Variants in GALNT13 observed in about 807,000 individuals in gnomAD.
GALNT13 encodes polypeptide N-acetylgalactosaminyltransferase 13.
A neutral mutation model predicts 64.2 loss-of-function variants in GALNT13; 28 were observed. The ratio of observed to expected loss-of-function variants is 0.44; its 90% confidence interval spans 0.32 to 0.60. The LOEUF (loss-of-function observed/expected upper bound fraction) is 0.60, where lower values mean the gene tolerates loss of function less well. Ranked by LOEUF, GALNT13 falls within the 20% of genes least tolerant of loss-of-function variation. The pLI is 0.05. For missense variants in GALNT13, 577 were observed against 669.8 expected (o/e 0.86, Z 1.53); for synonymous variants, 214 against 224.6 (o/e 0.95, Z 0.42).
the GALNT13 span, among the ~76,000 whole-genome samples, chr2:153,457,080 T>C: frequency 6.6e-6 from 1 of 152,328 alleles, no homozygotes; most frequent in Non-Finnish European, 1.5e-5. Flanking sequence ...GCTGACTTTC[T>C]TGAGTCCTTT....
intron 8 of GALNT13, among the ~76,000 whole-genome samples, chr2:154,283,597 A>T (rs1417916337): frequency 6.6e-6 from 1 of 151,232 alleles, no homozygotes; most frequent in African/African-American, 2.4e-5. Context: ...AAAAAAAATT[A>T]TACTTCAGTT....
At chr2:154,330,052 G>GT (rs1368779099) in intron 9 of GALNT13, among the ~76,000 whole-genome samples, 20 of 152,030 alleles carry the variant, frequency 1.3e-4, no homozygotes, top group Admixed American at 1.2e-3. Context: ...TTAGTTCCCA[G>GT]TAGAAGTACT....
chr2:153,404,564 TCTG>T, the GALNT13 span, among the ~76,000 whole-genome samples: 99 of 152,294 alleles, frequency 6.5e-4, 1 homozygote, highest in East Asian at 7.0e-3. Flanking sequence ...TTCCCAATTT[TCTG>T]CTATTATTAA....
chr2:153,369,858 A>T, the GALNT13 span, among the ~76,000 whole-genome samples: 12 of 152,136 alleles, frequency 7.9e-5, no homozygotes, highest in Non-Finnish European at 1.5e-5. Flanking sequence ...AGTTGAGTAC[A>T]GGTGAAGCCA....
chr2:154,197,981 A>T (rs1332359590), intron 4 of GALNT13, among the ~76,000 whole-genome samples: 1 of 152,094 alleles, frequency 6.6e-6, no homozygotes, highest in East Asian at 1.9e-4. Flanking sequence ...TATTCATCAG[A>T]TTCACACAAA....
chr2:153,979,474 T>C (rs764945168), intron 3 of GALNT13, among the ~76,000 whole-genome samples: 2 of 152,198 alleles, frequency 1.3e-5, no homozygotes, highest in Admixed American at 6.6e-5. Flanking sequence ...TCTGAGATTA[T>C]GGTCTTTGAG....
the GALNT13 span, among the ~76,000 whole-genome samples, chr2:153,627,098 ATGTAATACCTG>A: frequency 6.6e-6 from 1 of 152,064 alleles, no homozygotes; most frequent in Admixed American, 6.6e-5. Flanking sequence ...TTGTGTGGGA[ATGTAATACCTG>A]AAGGTGCTTG....
chr2:154,245,489 G>A (rs1467245237), intron 6 of GALNT13, among the ~76,000 whole-genome samples: 1 of 152,100 alleles, frequency 6.6e-6, no homozygotes, highest in Non-Finnish European at 1.5e-5. Flanking sequence ...CTAAAATGAT[G>A]CATAATCTCA....
chr2:153,375,358 G>A, the GALNT13 span, among the ~76,000 whole-genome samples: 68 of 152,040 alleles, frequency 4.5e-4, no homozygotes, highest in African/African-American at 1.5e-3. Context: ...ATTCACTTAC[G>A]GATAAATGGC....
the GALNT13 span, among the ~76,000 whole-genome samples, chr2:153,259,631 A>T: frequency 2.6e-5 from 4 of 152,074 alleles, no homozygotes; most frequent in Non-Finnish European, 4.4e-5. Flanking sequence ...TGGTTTTATA[A>T]AATGCAGTTC....
intron 3 of GALNT13, among the ~76,000 whole-genome samples, chr2:154,027,367 A>T (rs945173854): frequency 5.3e-5 from 8 of 152,106 alleles, no homozygotes; most frequent in African/African-American, 1.9e-4. Context: ...CTGCTTTTCC[A>T]TATTCAGTAG....
At chr2:153,543,271 C>A in the GALNT13 span, among the ~76,000 whole-genome samples, 1 of 152,146 alleles carries the variant, frequency 6.6e-6, no homozygotes, top group Admixed American at 6.6e-5. Context: ...AGAATCATCT[C>A]ACAGAAGCTG....
At chr2:153,394,211 T>C in the GALNT13 span, among the ~76,000 whole-genome samples, 4 of 152,254 alleles carry the variant, frequency 2.6e-5, no homozygotes, top group South Asian at 2.1e-4. Flanking sequence ...ATGATGGACA[T>C]AGAGTTTGGT....
At chr2:153,538,242 C>A in the GALNT13 span, among the ~76,000 whole-genome samples, 1 of 150,436 alleles carries the variant, frequency 6.6e-6, no homozygotes, top group South Asian at 2.1e-4. Context: ...TTCCCCTGCC[C>A]TAGAGATCTG....
chr2:153,204,887 G>A, the GALNT13 span, among the ~76,000 whole-genome samples: 2 of 151,816 alleles, frequency 1.3e-5, no homozygotes, highest in Non-Finnish European at 2.9e-5. Context: ...CAGCCAGTAA[G>A]GGGAAAAAAA....
chr2:154,376,293 CT>C (rs2105322127), intron 9 of GALNT13, among the ~76,000 whole-genome samples: 1 of 152,216 alleles, frequency 6.6e-6, no homozygotes, highest in South Asian at 2.1e-4. Context: ...AGTTCAGCTA[CT>C]TCTATTTAAT....
chr2:154,256,757 T>A (rs1443192728), intron 7 of GALNT13, among the ~76,000 whole-genome samples: 1 of 152,234 alleles, frequency 6.6e-6, no homozygotes, highest in African/African-American at 2.4e-5. Context: ...CTATGTGTGG[T>A]AGGTAGTGTT....
At chr2:153,246,373 G>A in the GALNT13 span, among the ~76,000 whole-genome samples, 10 of 152,232 alleles carry the variant, frequency 6.6e-5, no homozygotes, top group Non-Finnish European at 1.2e-4. Flanking sequence ...TGAAACAAAC[G>A]AAAAACTGTT....
intron 8 of GALNT13, among the ~76,000 whole-genome samples, chr2:154,266,024 A>G (rs754882005): frequency 2.0e-5 from 3 of 152,202 alleles, no homozygotes; most frequent in Non-Finnish European, 4.4e-5. Context: ...GGTCATCTGA[A>G]TAGAGTCAAG....
Sources: gnomAD v4.1 joint callset for allele counts (sites outside exome capture counted in the v4.1 genomes callset) on GRCh38, gnomAD v4.1.1 for gene constraint, MANE v1.5 for transcripts, NCBI Gene and HGNC (gene_info 2026-07-23, HGNC 2026-07-21) for gene names.